UGGT1: variants seen among roughly 807,000 people sequenced by gnomAD.
UGGT1 encodes the protein UDP-glucose glycoprotein glucosyltransferase 1.
In UGGT1, 107 loss-of-function variants were observed where a neutral mutation model predicts 203.9. The observed-to-expected ratio is 0.52, with a 90% CI of 0.45 to 0.62. The LOEUF (loss-of-function observed/expected upper bound fraction) is 0.62, where lower values mean the gene tolerates loss of function less well. Ranked by LOEUF, UGGT1 falls within the 20% of genes least tolerant of loss-of-function variation. The pLI, the probability that UGGT1 is intolerant of heterozygous loss-of-function variation, is 0.00. For synonymous variants in UGGT1, 628 were observed against 653.5 expected (o/e 0.96, Z 0.59); for missense variants, 1,673 against 1,867.2 (o/e 0.90, Z 1.92).
Position 128,143,215 on chromosome 2 carries a change from G to A in UGGT1, c.1841G>A (p.Arg614Gln), listed in dbSNP as rs1263283785. The A allele has an allele frequency of 9.9e-6, 16 of 1,613,020 alleles. No homozygotes were observed. Among genetic ancestry groups the A allele is most frequent in the Admixed American group, 3.3e-5 (2 of 59,828 alleles). Residue 614 changes from arginine to glutamine, a missense_variant, in exon 17 of 41, where the codon CGG becomes CAG. Around this residue, in one of 4 missense-constraint regions of UGGT1, gnomAD observed 1,073 missense variants for 1,078.7 expected, o/e 0.99. Coordinates refer to ENST00000259253, the MANE Select transcript of UGGT1 (RefSeq NM_020120.4). The stretch of plus-strand genomic sequence containing the variant: ...TTGGGGATTGATTCTGCTTATGATC[G>A]GAATCGGAAGGTAAAAAATTTCTTT... ...SILGIDSAYD[R>Q]NRKEARGYYE...
At chr2:128,129,801 G>A (rs1033684360) in intron 13 of UGGT1, among the ~76,000 whole-genome samples, 1 of 152,178 alleles carries the variant, frequency 6.6e-6, no homozygotes, top group African/African-American at 2.4e-5. Context: ...TACAGATCTT[G>A]TGTGATGTCG....
At chr2:128,163,722 A>G (rs1372452830) in intron 25 of UGGT1, among the ~76,000 whole-genome samples, 1 of 152,010 alleles carries the variant, frequency 6.6e-6, no homozygotes, top group African/African-American at 2.4e-5. Flanking sequence ...TCAAAAAAAA[A>G]AAAATTAATT....
chr2:128,182,088 G>T lies in UGGT1; in HGVS notation c.4084-42G>T, dbSNP rs1417205364. On this transcript the variant is annotated intron_variant, in intron 36 of 40. Transcript: ENST00000259253. ...ATCTGAAGGAAACCGCATTAGAGCT[G>T]TCTGCATGGTTGCTTAACAAATGAC... 3 of 1,598,818 alleles carry T rather than the reference G, an allele frequency of 1.9e-6. No homozygotes were observed. In the South Asian group the frequency reaches 3.4e-5, roughly 18 times the overall value.
rs551494759 is a variant in UGGT1, at chr2:128,145,706, ATTG to A, written c.1852-91_1852-89del. 1.1e-5 allele frequency: 12 copies of A among 1,071,038 alleles called. No individual in the cohort carries two copies. The South Asian group carries it at 2.6e-4, about 23-fold the overall frequency. The allele number at this position is 1,071,038 out of a possible 1,614,324, so 66.3% of individuals were successfully genotyped here. On this transcript the variant is annotated intron_variant, in intron 17 of 40. Coordinates refer to ENST00000259253, the MANE Select transcript of UGGT1 (RefSeq NM_020120.4). ...TTTTTTCTTTACAATATTTCTATTG[ATTG>A]TTGTTAGAACAGGCATGTAAGAAAA... is the stretch of plus-strand genomic sequence containing the variant.
At chr2:128,174,560 C>T (rs1172418338) in intron 30 of UGGT1, among the ~76,000 whole-genome samples, 2 of 152,100 alleles carry the variant, frequency 1.3e-5, no homozygotes, top group African/African-American at 2.4e-5. Flanking sequence ...CGTGGTCTCC[C>T]GAAGTGCTGG....
chr2:128,153,358 A>G (rs911195861), intron 19 of UGGT1, among the ~76,000 whole-genome samples: 5 of 152,212 alleles, frequency 3.3e-5, no homozygotes, highest in Non-Finnish European at 5.9e-5. Flanking sequence ...TGTATATGCC[A>G]TAAAACTCAA....
At chr2:128,133,652 TTTTTA>T (rs1382593753) in intron 14 of UGGT1, among the ~76,000 whole-genome samples, 1 of 152,236 alleles carries the variant, frequency 6.6e-6, no homozygotes, top group Non-Finnish European at 1.5e-5. Context: ...GATGTGTTTG[TTTTTA>T]TTTTAAGACT....
intron 14 of UGGT1, 72 bp from the exon 15 acceptor site, chr2:128,134,804 A>G: frequency 7.2e-7 from 1 of 1,396,910 alleles, no homozygotes; most frequent in Non-Finnish European, 1.0e-6. Context: ...ACAGTGACTC[A>G]TAACATTTTT....
At chr2:128,117,364 AC>A (rs2105379507) in intron 8 of UGGT1, among the ~76,000 whole-genome samples, 1 of 152,372 alleles carries the variant, frequency 6.6e-6, no homozygotes, top group East Asian at 1.9e-4. Context: ...TGCTGGGAAT[AC>A]AGGCGTGAGC....
At chr2:128,145,662 A>G (rs1367597620) in intron 17 of UGGT1, 141 bp from the exon 18 acceptor site, 7 of 822,122 alleles carry the variant, frequency 8.5e-6, no homozygotes, top group Non-Finnish European at 8.8e-6. Context: ...ATTTTTTTAA[A>G]AAGAAATATC....
chr2:128,136,338 C>T (rs1053694386), intron 15 of UGGT1, among the ~76,000 whole-genome samples: 2 of 152,128 alleles, frequency 1.3e-5, no homozygotes, highest in Admixed American at 1.3e-4. Flanking sequence ...GTTTCACTGC[C>T]CTAAAAATCT....
At chr2:128,177,801 T>G in intron 32 of UGGT1, 31 bp from the exon 33 acceptor site, 1 of 1,562,932 alleles carries the variant, frequency 6.4e-7, no homozygotes, top group Non-Finnish European at 8.7e-7. Context: ...TGAGACATAC[T>G]GGGAGTAAGG....
At chr2:128,158,392 A>G (rs115713344) in intron 22 of UGGT1, among the ~76,000 whole-genome samples, 1,921 of 152,240 alleles carry the variant, frequency 0.013, 43 homozygotes, top group African/African-American at 0.044. Context: ...TTGTGCCCAG[A>G]CACTACGCCT....
At chr2:128,186,651 T>C (rs2104839200) in intron 38 of UGGT1, 32 bp from the exon 39 acceptor site, 2 of 1,509,700 alleles carry the variant, frequency 1.3e-6, no homozygotes, top group South Asian at 2.3e-5. Context: ...TAGATACATG[T>C]ATTTTATTTT....
chr2:128,144,825 A>G (rs182671293), intron 17 of UGGT1, among the ~76,000 whole-genome samples: 59 of 152,316 alleles, frequency 3.9e-4, no homozygotes, highest in Admixed American at 8.5e-4. Flanking sequence ...GGTGCTATCT[A>G]AAATGGTTAT....
chr2:128,142,285 A>T (rs534688893), intron 16 of UGGT1, among the ~76,000 whole-genome samples: 2 of 151,082 alleles, frequency 1.3e-5, no homozygotes, highest in Non-Finnish European at 3.0e-5. Context: ...TTGACACTTA[A>T]CAAGACTGAG....
Position 128,134,900 on chromosome 2 carries a change from G to C in UGGT1, c.1522G>C (p.Glu508Gln). 2 of 1,613,854 alleles carry C rather than the reference G, an allele frequency of 1.2e-6. No homozygotes were observed. Among genetic ancestry groups the C allele is most frequent in the Non-Finnish European group, 1.7e-6 (2 of 1,179,950 alleles). Reference sequence around the variant, plus strand: ...GGTTTTCATAGTTGATCCTGCACATGAGACCACAGCAGAGTTGATGAACAC... The same window carrying C: ...GGTTTTCATAGTTGATCCTGCACATCAGACCACAGCAGAGTTGATGAACAC... ...NMVFIVDPAH[E>Q]TTAELMNTAE... The change falls in exon 15 of 41, where the codon GAG becomes CAG. Residue 508 changes from glutamate to glutamine, a missense_variant. By Grantham distance (29) the Glu-to-Gln change is conservative. Transcript: ENST00000259253.
chr2:128,154,299 G>A (rs1319020948), intron 19 of UGGT1, among the ~76,000 whole-genome samples: 1 of 152,170 alleles, frequency 6.6e-6, no homozygotes, highest in Non-Finnish European at 1.5e-5. Flanking sequence ...GGTTGTCTCT[G>A]GAATACACAT....
intron 27 of UGGT1, 61 bp downstream of exon 27, chr2:128,170,451 A>C: frequency 2.1e-6 from 3 of 1,449,236 alleles, no homozygotes; most frequent in Non-Finnish European, 1.9e-6. Context: ...ATGCTCTGAA[A>C]TTCACTGAGA....
Sources: allele counts gnomAD v4.1 joint callset (sites outside exome capture counted in the v4.1 genomes callset), GRCh38; gene constraint gnomAD v4.1.1; regional missense constraint gnomAD v4.1.1; transcripts MANE v1.5; gene names NCBI Gene and HGNC (gene_info 2026-07-23, HGNC 2026-07-21).